The following PEBP4 variants were observed in gnomAD, a reference collection of about 807,000 sequenced individuals.
PEBP4 encodes phosphatidylethanolamine-binding protein 4.
PEBP4 carries 22 observed loss-of-function variants against 23.9 expected under a neutral mutation model. The ratio of observed to expected loss-of-function variants is 0.92; its 90% CI spans 0.66 to 1.31. The LOEUF is 1.31. PEBP4 is among the 40% of genes most tolerant of loss of function. The pLI is 0.00. For missense variants in PEBP4, 324 were observed against 281.7 expected (o/e 1.15, Z -1.07); for synonymous variants, 112 against 99.3 (o/e 1.13, Z -0.76).
intron 3 of PEBP4, among the ~76,000 whole-genome samples, chr8:22,852,773 C>T (rs1201073877): frequency 1.2e-4 from 19 of 152,042 alleles, no homozygotes; most frequent in Admixed American, 1.2e-3. Context: ...TCTAAATTTA[C>T]CAGGTCCTGA....
In PEBP4 at chr8:22,904,714, CTG is replaced by C. The variant is rs555793960; in HGVS notation, c.258+15468_258+15469del. Among the ~76,000 whole-genome samples the C allele has an allele frequency of 2.0e-5, 3 of 152,286 alleles. No homozygotes were observed. The South Asian group carries it at 6.2e-4, about 32-fold the overall frequency. On this transcript the variant is annotated intron_variant, in intron 3 of 6. Coordinates refer to ENST00000256404, the MANE Select transcript of PEBP4 (RefSeq NM_144962.3). ...CATAAAAGATATAAATTTTTGAAAA[CTG>C]GAACTATTGTTAAATGGCTATTTTA...
rs545546666 is a variant in PEBP4 at position 22,742,631 on chromosome 8, G to A, written c.358-15411C>T. Among the ~76,000 whole-genome samples, 281 of 152,324 alleles carry A rather than the reference G, an allele frequency of 1.8e-3. 1 individual carries two copies. Among genetic ancestry groups the A allele is most frequent in the Non-Finnish European group, 3.4e-3 (228 of 68,028 alleles). On this transcript the variant is annotated intron_variant, in intron 4 of 6. Coordinates refer to ENST00000256404, the MANE Select transcript of PEBP4 (RefSeq NM_144962.3). ...AAGGGATTAAATTTAGGAGGTAAGG[G>A]GGTGCTGCCTAGACAGTGGCAGAGG...
chr8:22,881,562 A>G (rs376589298), intron 3 of PEBP4, among the ~76,000 whole-genome samples: 2 of 152,260 alleles, frequency 1.3e-5, no homozygotes, highest in East Asian at 1.9e-4. Flanking sequence ...GACACAAAAT[A>G]CTTGTTAAGA....
chr8:22,770,813 C>T (rs1462825474), intron 4 of PEBP4, among the ~76,000 whole-genome samples: 1 of 152,222 alleles, frequency 6.6e-6, no homozygotes, highest in Non-Finnish European at 1.5e-5. Flanking sequence ...CGTATCCACG[C>T]ATCCGCTCAA....
At chr8:22,843,401 T>A (rs1318722548) in intron 3 of PEBP4, among the ~76,000 whole-genome samples, 1 of 152,238 alleles carries the variant, frequency 6.6e-6, no homozygotes, top group African/African-American at 2.4e-5. Context: ...TGGATCCAAA[T>A]GATACCAGGA....
intron 4 of PEBP4, among the ~76,000 whole-genome samples, chr8:22,728,858 A>C (rs1332552178): frequency 1.3e-5 from 2 of 152,112 alleles, no homozygotes; most frequent in African/African-American, 4.8e-5. Flanking sequence ...TCAGGCTCCC[A>C]AAGTGCTGGG....
chr8:22,788,304 CA>C (rs1186014981), intron 4 of PEBP4, among the ~76,000 whole-genome samples: 1 of 151,760 alleles, frequency 6.6e-6, no homozygotes, highest in African/African-American at 2.4e-5. Context: ...AAGTGGCTGC[CA>C]GGGGGACAAA....
chr8:22,916,940 A>G (rs1455409354), intron 3 of PEBP4, among the ~76,000 whole-genome samples: 1 of 152,224 alleles, frequency 6.6e-6, no homozygotes, highest in Admixed American at 6.5e-5. Flanking sequence ...ATGTAGGTGG[A>G]GCCCAGAGGG....
chr8:22,831,134 C>A (rs1807076981), intron 3 of PEBP4, among the ~76,000 whole-genome samples: 1 of 152,190 alleles, frequency 6.6e-6, no homozygotes, highest in Non-Finnish European at 1.5e-5. Flanking sequence ...AACACCCCAT[C>A]CCTGGAACTA....
At chr8:22,807,316 T>C (rs759876873) in intron 4 of PEBP4, among the ~76,000 whole-genome samples, 1 of 151,996 alleles carries the variant, frequency 6.6e-6, no homozygotes, top group South Asian at 2.1e-4. Context: ...AACACGAGGG[T>C]TGTGGGGCAG....
intron 3 of PEBP4, among the ~76,000 whole-genome samples, chr8:22,850,508 C>T (rs1807529417): frequency 1.3e-5 from 2 of 152,080 alleles, no homozygotes; most frequent in African/African-American, 4.8e-5. Context: ...GGCTGGGCAG[C>T]GCCACTAGGA....
chr8:22,929,742 C>G (rs991981012), upstream of PEBP4, among the ~76,000 whole-genome samples: 1 of 152,210 alleles, frequency 6.6e-6, no homozygotes, highest in African/African-American at 2.4e-5. Context: ...GGGTCTCACT[C>G]TCATCGCCCA....
At chr8:22,864,669 A>C (rs1807848341) in intron 3 of PEBP4, among the ~76,000 whole-genome samples, 1 of 152,190 alleles carries the variant, frequency 6.6e-6, no homozygotes, top group African/African-American at 2.4e-5. Flanking sequence ...CTGCAGATGG[A>C]AGCTGCTCCG....
intron 4 of PEBP4, among the ~76,000 whole-genome samples, chr8:22,769,320 T>C (rs2128753819): frequency 6.6e-6 from 1 of 152,336 alleles, no homozygotes; most frequent in East Asian, 1.9e-4. Flanking sequence ...ACTCCAGCCC[T>C]CTGGGGCTTA....
At chr8:22,874,285 T>C (rs1585317657) in intron 3 of PEBP4, among the ~76,000 whole-genome samples, 1 of 152,312 alleles carries the variant, frequency 6.6e-6, no homozygotes, top group East Asian at 1.9e-4. Flanking sequence ...TCAATTACTA[T>C]GAAAATGTAT....
intron 4 of PEBP4, among the ~76,000 whole-genome samples, chr8:22,729,093 A>C (rs921630852): frequency 5.9e-5 from 9 of 152,170 alleles, no homozygotes; most frequent in South Asian, 2.1e-4. Context: ...GGCATTATCC[A>C]GGCCCAGGTG....
chr8:22,825,494 T>C (rs932574985), intron 3 of PEBP4, among the ~76,000 whole-genome samples: 3 of 152,248 alleles, frequency 2.0e-5, no homozygotes, highest in Non-Finnish European at 2.9e-5. Context: ...TGTAGGGGTA[T>C]AGACCTAGTA....
chr8:22,820,618 G>T (rs1450742200), intron 3 of PEBP4, among the ~76,000 whole-genome samples: 1 of 152,206 alleles, frequency 6.6e-6, no homozygotes, highest in Non-Finnish European at 1.5e-5. Flanking sequence ...CAGGAAGGCT[G>T]CAGAGTTGTC....
chr8:22,757,603 G>A (rs1191405767), intron 4 of PEBP4: 1 of 152,184 alleles, frequency 6.6e-6, no homozygotes, highest in Non-Finnish European at 1.5e-5. Context: ...CAGCTAGCGG[G>A]AGAGCTGCAA....
Sources: gnomAD v4.1 joint callset for allele counts (sites outside exome capture counted in the v4.1 genomes callset) on GRCh38, gnomAD v4.1.1 for gene constraint, MANE v1.5 for transcripts, NCBI Gene and HGNC (gene_info 2026-07-23, HGNC 2026-07-21) for gene names.